The following DOK7 variants were observed in gnomAD, a reference collection of about 807,000 sequenced individuals.
DOK7 encodes the protein protein Dok-7.
DOK7 carries 32 observed loss-of-function variants against 30.7 expected under a neutral mutation model. The ratio of observed to expected loss-of-function variants is 1.04; its 90% CI spans 0.79 to 1.40. The LOEUF is 1.40. DOK7 is among the 40% of genes most tolerant of loss of function. The pLI, the probability that DOK7 is intolerant of heterozygous loss-of-function variation, is 0.00. For missense variants in DOK7, 1,007 were observed against 699.2 expected, an observed-to-expected ratio of 1.44 and a Z score of -4.97; for synonymous variants, 447 against 324.1, an observed-to-expected ratio of 1.38 and a Z score of -4.07.
chr4:3,487,399 G>A lies in DOK7; in HGVS notation c.652+1741G>A, dbSNP rs371827391. Among the ~76,000 whole-genome samples the A allele has an allele frequency of 5.3e-5, 8 of 152,222 alleles. No homozygotes were observed. The East Asian group carries it at 1.2e-3, about 22-fold the overall frequency. On this transcript the variant is annotated intron_variant, in intron 5 of 6. Coordinates refer to ENST00000340083, the MANE Select transcript of DOK7 (RefSeq NM_173660.5). ...ACTCCCACAATAGAGCCCTGCGGGCGGCATCCTCAAGCTCTGGGCTTTCTG... is the reference window on the plus strand; with the variant it reads ...ACTCCCACAATAGAGCCCTGCGGGCAGCATCCTCAAGCTCTGGGCTTTCTG...
chr4:3,482,276 T>G (rs1405739373), intron 4 of DOK7, among the ~76,000 whole-genome samples: 1 of 152,170 alleles, frequency 6.6e-6, no homozygotes, highest in African/African-American at 2.4e-5. Flanking sequence ...CGGGGCTCAG[T>G]GAGGACAGCT....
At chr4:3,500,994 C>A (rs898779470) in exon 8 of DOK7, 16 of 1,115,414 alleles carry the variant, frequency 1.4e-5, no homozygotes, top group Non-Finnish European at 1.8e-5. Flanking sequence ...GTTTTCAGGG[C>A]CCACGGCCAG....
chr4:3,497,354 G>A (rs550685146), downstream of DOK7, among the ~76,000 whole-genome samples: 11 of 152,192 alleles, frequency 7.2e-5, no homozygotes, highest in East Asian at 5.8e-4. Context: ...GCGACTCGGC[G>A]AAGGGCAGGG....
At chr4:3,471,525 A>G (rs368817571) in intron 2 of DOK7, among the ~76,000 whole-genome samples, 2 of 152,260 alleles carry the variant, frequency 1.3e-5, no homozygotes, top group Non-Finnish European at 2.9e-5. Flanking sequence ...ACACACTTCA[A>G]CTGCAGACGG....
chr4:3,498,193 C>T (rs756235069), downstream of DOK7, among the ~76,000 whole-genome samples: 1 of 152,110 alleles, frequency 6.6e-6, no homozygotes, highest in Non-Finnish European at 1.5e-5. Flanking sequence ...GAAAGAGTAT[C>T]CGAGGTACTG....
Position 3,492,956 on chromosome 4 carries a change from C to A in DOK7, c.970C>A (p.Pro324Thr). Residue 324 changes from proline to threonine, a missense_variant, in exon 7 of 7, where the codon CCG (proline) becomes ACG (threonine). By Grantham distance (38) the Pro-to-Thr change is conservative. Coordinates refer to ENST00000340083, the MANE Select transcript of DOK7 (RefSeq NM_173660.5). ...ASRPPPKPLR[P>T]RQLQEVGRQS... ...AAGGCCACCCCCCAAGCCGCTGCGT[C>A]CGCGGCAGCTGCAGGAGGTTGGCCG... 1 of 1,553,476 alleles carries A rather than the reference C, an allele frequency of 6.4e-7. No homozygotes were observed.
intron 2 of DOK7, among the ~76,000 whole-genome samples, chr4:3,470,217 G>A (rs1726679582): frequency 6.6e-6 from 1 of 152,228 alleles, no homozygotes; most frequent in Non-Finnish European, 1.5e-5. Context: ...GACCTTCCCT[G>A]TGTCTGCGCC....
intron 6 of DOK7, among the ~76,000 whole-genome samples, chr4:3,490,203 C>T (rs1728166032): frequency 1.2e-5 from 1 of 86,338 alleles, no homozygotes; most frequent in South Asian, 4.8e-4. Context: ...TTCCTTCCCC[C>T]CTCATTCATT....
intron 2 of DOK7, among the ~76,000 whole-genome samples, chr4:3,470,098 C>T (rs898574469): frequency 2.6e-5 from 4 of 152,238 alleles, no homozygotes; most frequent in African/African-American, 9.6e-5. Context: ...ACGCTCCCTC[C>T]AGGCTTCCCA....
chr4:3,490,399 C>T (rs1401447924), intron 6 of DOK7, among the ~76,000 whole-genome samples: 1 of 64,060 alleles, frequency 1.6e-5, no homozygotes, highest in Admixed American at 1.4e-4. Flanking sequence ...TCATTCAGTC[C>T]TTCTTTCACC....
At position 3,476,289 on chromosome 4, in the gene DOK7, A is replaced by T; in HGVS notation, c.332-53A>T. ...TGCCCTCTCACCCCACCCGCCCGTG[A>T]TGTCCTCTCACCCTGCCCGCCCGTG... On this transcript the variant is annotated intron_variant, in intron 3 of 6. Coordinates refer to ENST00000340083, the MANE Select transcript of DOK7 (RefSeq NM_173660.5). 1.0e-5 allele frequency: 7 copies of T among 701,762 alleles called. 2 individuals carry two copies. The highest frequency in any genetic ancestry group is 1.7e-5 in the South Asian group (1 of 60,190). 43.5% of individuals were successfully genotyped at this position (701,762 alleles called of 1,614,324 possible).
Position 3,472,146 on chromosome 4 carries a change from G to C in DOK7, c.101-1260G>C, listed in dbSNP as rs771626413. 3.3e-5 allele frequency among the ~76,000 whole-genome samples: 5 copies of C among 152,382 alleles called. No homozygotes were observed. The South Asian group carries it at 1.0e-3, about 32-fold the overall frequency. On this transcript the variant is annotated intron_variant, in intron 2 of 6. Transcript: ENST00000340083. ...GTGGTCACACAGACCCCCTGGCTCT[G>C]CGGGCTGTGGCCATGTGGCCCGGGG... is the stretch of plus-strand genomic sequence containing the variant.
At chr4:3,472,570 G>GCCC (rs1187500072) in intron 2 of DOK7, among the ~76,000 whole-genome samples, 1 of 152,216 alleles carries the variant, frequency 6.6e-6, no homozygotes, top group Non-Finnish European at 1.5e-5. Context: ...CAGACCTGCT[G>GCCC]CCCCCGCCAT....
At chr4:3,495,622 G>A (rs1243290513), downstream of DOK7, among the ~76,000 whole-genome samples, 3 of 152,226 alleles carry the variant, frequency 2.0e-5, no homozygotes, top group African/African-American at 4.8e-5. Flanking sequence ...CCAGTTCCCA[G>A]GTGGGTGGCC....
At chr4:3,482,796 C>T (rs546401948) in intron 4 of DOK7, among the ~76,000 whole-genome samples, 28 of 152,188 alleles carry the variant, frequency 1.8e-4, no homozygotes, top group Admixed American at 1.6e-3. Context: ...CACCCAAGGC[C>T]GAGCACTGGG....
chr4:3,479,612 C>T (rs1727318300), intron 4 of DOK7, among the ~76,000 whole-genome samples: 1 of 152,214 alleles, frequency 6.6e-6, no homozygotes, highest in African/African-American at 2.4e-5. Context: ...CCGCCACAGC[C>T]AGCTCTGCAG....
intron 4 of DOK7, 103 bp downstream of exon 4, chr4:3,476,645 C>T: frequency 1.4e-6 from 2 of 1,472,436 alleles, no homozygotes; most frequent in South Asian, 2.3e-5. Context: ...GGCTGGCCTG[C>T]TGGCATTTCC....
At chr4:3,491,243 C>T (rs1241338326) in intron 6 of DOK7, among the ~76,000 whole-genome samples, 4 of 113,000 alleles carry the variant, frequency 3.5e-5, no homozygotes, top group Non-Finnish European at 5.1e-5. Context: ...CTCTTTCATT[C>T]CTTCTCCCCT....
intron 2 of DOK7, among the ~76,000 whole-genome samples, chr4:3,468,612 G>A (rs1726493909): frequency 6.6e-6 from 1 of 151,218 alleles, no homozygotes; most frequent in African/African-American, 2.4e-5. Flanking sequence ...GTGTGTGCGT[G>A]CCTTTGTGTG....
Sources: allele counts gnomAD v4.1 joint callset (sites outside exome capture counted in the v4.1 genomes callset), GRCh38; gene constraint gnomAD v4.1.1; transcripts MANE v1.5; gene names NCBI Gene and HGNC (gene_info 2026-07-23, HGNC 2026-07-21).